MEGF10: variants seen among roughly 807,000 people sequenced by gnomAD.
MEGF10 encodes multiple EGF like domains 10, also known as multiple epidermal growth factor-like domains protein 10.
MEGF10 carries 86 observed loss-of-function variants against 147.5 expected under a neutral mutation model. That is an observed-to-expected ratio of 0.58 (90% CI 0.49 to 0.70). The LOEUF is 0.70. MEGF10 is among the 30% of genes least tolerant of loss of function. The probability of loss-of-function intolerance (pLI) is 0.00; values close to 1 mark genes in which losing one functional copy is unlikely to be tolerated. For synonymous variants in MEGF10, 478 were observed against 525.5 expected, an observed-to-expected ratio of 0.91 and a Z score of 1.24; for missense variants, 1,329 against 1,487.3, an observed-to-expected ratio of 0.89 and a Z score of 1.75.
chr5:127,447,322 C>T (rs953038949), intron 20 of MEGF10, among the ~76,000 whole-genome samples: 1 of 152,090 alleles, frequency 6.6e-6, no homozygotes, highest in Non-Finnish European at 1.5e-5. Context: ...ACTACAGGCG[C>T]ATGCTACCGT....
At chr5:127,445,270 G>A (rs2127023991) in intron 19 of MEGF10, 187 bp from the exon 20 acceptor site, 1 of 595,594 alleles carries the variant, frequency 1.7e-6, no homozygotes, top group South Asian at 2.0e-5. Context: ...CTTTCTCTGG[G>A]CATGGATAGG....
At chr5:127,292,758 T>A (rs180807172) in intron 1 of MEGF10, among the ~76,000 whole-genome samples, 42 of 152,350 alleles carry the variant, frequency 2.8e-4, no homozygotes, top group African/African-American at 9.9e-4. Context: ...GGAAATCCTT[T>A]ACATTAATAT....
At chr5:127,270,642 T>C in the MEGF10 span, among the ~76,000 whole-genome samples, 1 of 152,190 alleles carries the variant, frequency 6.6e-6, no homozygotes, top group African/African-American at 2.4e-5. Context: ...TGGGAGACTT[T>C]AACACCCCAC....
Position 127,417,708 on chromosome 5 carries a change from TCTC to T in MEGF10, c.1204_1206del (p.Pro402del). ...AGGACTCTACTGTAATGAGACATGTTCTCCTGGATTCTACGGGGAAGCTTGCCA... is the reference window on the plus strand; with the variant it reads ...AGGACTCTACTGTAATGAGACATGTTCTGGATTCTACGGGGAAGCTTGCCA... On this transcript the variant is annotated inframe_deletion, in exon 10 of 25. Coordinates refer to ENST00000503335, the MANE Select transcript of MEGF10 (RefSeq NM_001256545.2). The T allele has an allele frequency of 6.2e-7, 1 of 1,614,146 alleles. No homozygotes were observed. The highest frequency in any genetic ancestry group is 1.1e-5 in the South Asian group (1 of 91,064).
At chr5:127,334,862 G>T (rs1475203119) in intron 2 of MEGF10, among the ~76,000 whole-genome samples, 1 of 152,124 alleles carries the variant, frequency 6.6e-6, no homozygotes, top group Non-Finnish European at 1.5e-5. Flanking sequence ...GATAAGAAAT[G>T]AAGATTATTA....
At chr5:127,243,515 C>A in the MEGF10 span, among the ~76,000 whole-genome samples, 77,142 of 151,920 alleles carry the variant, frequency 0.51, 19,857 homozygotes, top group Middle Eastern at 0.61. Context: ...ATTTTTCTTA[C>A]GTGAGAAACA....
intron 4 of MEGF10, among the ~76,000 whole-genome samples, chr5:127,366,250 A>G (rs776888588): frequency 1.3e-5 from 2 of 152,156 alleles, no homozygotes; most frequent in Non-Finnish European, 2.9e-5. Context: ...AGAGTTCTAT[A>G]GCTTACTCTG....
intron 7 of MEGF10, among the ~76,000 whole-genome samples, chr5:127,402,081 C>G (rs1764154995): frequency 6.6e-6 from 1 of 152,140 alleles, no homozygotes; most frequent in African/African-American, 2.4e-5. Context: ...AATGATAAAA[C>G]ATGTATTTTC....
the MEGF10 span, among the ~76,000 whole-genome samples, chr5:127,266,031 T>C: frequency 6.6e-6 from 1 of 152,188 alleles, no homozygotes; most frequent in Non-Finnish European, 1.5e-5. Flanking sequence ...CTAGGTTTTC[T>C]TCTAGGTTTT....
At chr5:127,286,507 C>T (rs1759033778), upstream of MEGF10, among the ~76,000 whole-genome samples, 1 of 151,678 alleles carries the variant, frequency 6.6e-6, no homozygotes, top group Non-Finnish European at 1.5e-5. Context: ...TTCTATATAA[C>T]CTATGGGTTA....
chr5:127,235,969 G>A, the MEGF10 span, among the ~76,000 whole-genome samples: 2 of 126,386 alleles, frequency 1.6e-5, no homozygotes, highest in South Asian at 2.5e-4. Context: ...TTAGCCCAGG[G>A]TCGGCAAACT....
chr5:127,315,962 T>C (rs1376879286), intron 1 of MEGF10, among the ~76,000 whole-genome samples: 1 of 152,208 alleles, frequency 6.6e-6, no homozygotes, highest in Admixed American at 6.5e-5. Flanking sequence ...TTACTGAAGG[T>C]TCATCCTAGG....
chr5:127,460,667 A>G lies in MEGF10; in HGVS notation c.*3349A>G, dbSNP rs1766528590. The G allele has an allele frequency of 6.6e-6, 1 of 152,222 alleles. No individual in the cohort carries two copies. Among genetic ancestry groups the G allele is most frequent in the African/African-American group, 2.4e-5 (1 of 41,454 alleles). 9.4% of individuals were successfully genotyped at this position (152,222 alleles called of 1,614,324 possible). On this transcript the variant is annotated 3_prime_UTR_variant, in exon 25 of 25. Coordinates refer to ENST00000503335, the MANE Select transcript of MEGF10 (RefSeq NM_001256545.2). ...GCAAAAGTTAAACAAGGGTACCACA[A>G]TATCATTTATAATTGATGTCAATAT...
At chr5:127,401,343 G>A (rs1764124868) in intron 7 of MEGF10, among the ~76,000 whole-genome samples, 1 of 152,186 alleles carries the variant, frequency 6.6e-6, no homozygotes, top group African/African-American at 2.4e-5. Flanking sequence ...ATGATTCTCA[G>A]TTAAGTGCTG....
intron 9 of MEGF10, among the ~76,000 whole-genome samples, chr5:127,410,895 A>G (rs1764532665): frequency 1.3e-5 from 2 of 152,260 alleles, no homozygotes; most frequent in South Asian, 2.1e-4. Context: ...CTTTCCCTTA[A>G]GCAAGGGATT....
At chr5:127,444,534 T>G (rs1765870460) in intron 19 of MEGF10, 1 of 152,188 alleles carries the variant, frequency 6.6e-6, no homozygotes, top group Admixed American at 6.5e-5. Flanking sequence ...CTTTTCTCAT[T>G]TATAGATGAT....
rs2270931 is a variant in MEGF10 at position 127,454,863 on chromosome 5, A to G, written c.3025+253A>G. Among the ~76,000 whole-genome samples, 4,932 of 152,286 alleles carry G rather than the reference A, an allele frequency of 0.032. 82 individuals carry two copies. The highest frequency in any genetic ancestry group is 0.051 in the Middle Eastern group (15 of 294). On this transcript the variant is annotated intron_variant, in intron 23 of 24. Coordinates refer to ENST00000503335, the MANE Select transcript of MEGF10 (RefSeq NM_001256545.2). Reference sequence around the variant, plus strand: ...CTGAGGAAACACTCATATTTCATTTAAAAGAAATATGGCTTATGGGGAGAC... The same window carrying G: ...CTGAGGAAACACTCATATTTCATTTGAAAGAAATATGGCTTATGGGGAGAC...
intron 5 of MEGF10, among the ~76,000 whole-genome samples, chr5:127,375,765 T>C (rs542486882): frequency 1.3e-5 from 2 of 152,374 alleles, no homozygotes; most frequent in South Asian, 4.1e-4. Context: ...TATTAATCTC[T>C]GTAAGCCTCC....
Position 127,422,788 on chromosome 5 carries a change from C to A in MEGF10, c.1693+16C>A. 6.2e-7 allele frequency: 1 copy of A among 1,603,246 alleles called. No individual in the cohort carries two copies. The highest frequency in any genetic ancestry group is 1.1e-5 in the South Asian group (1 of 90,510). Reference sequence around the variant, plus strand: ...GGATGGTCAGGTGAGAGCCAAGGACCGCTAATTGAAAGGTGAAACCCGCCA... The same window carrying A: ...GGATGGTCAGGTGAGAGCCAAGGACAGCTAATTGAAAGGTGAAACCCGCCA... On this transcript the variant is annotated intron_variant, in intron 13 of 24. Transcript: ENST00000503335.
Sources: allele counts gnomAD v4.1 joint callset (sites outside exome capture counted in the v4.1 genomes callset), GRCh38; gene constraint gnomAD v4.1.1; transcripts MANE v1.5; gene names NCBI Gene and HGNC (gene_info 2026-07-23, HGNC 2026-07-21).